SLC25A21: variants seen among roughly 807,000 people sequenced by gnomAD.
The protein encoded by SLC25A21 is mitochondrial 2-oxodicarboxylate carrier.
Under a neutral mutation model 43.8 loss-of-function variants are expected in SLC25A21, and 47 were observed. That is an observed-to-expected ratio of 1.07 (90% CI 0.85 to 1.37). The LOEUF (loss-of-function observed/expected upper bound fraction) is 1.37. Among genes scored for constraint, SLC25A21 ranks in the 40% most tolerant of loss-of-function variants. The pLI, the probability that SLC25A21 is intolerant of heterozygous loss-of-function variation, is 0.00. For synonymous variants in SLC25A21, 131 were observed against 121.3 expected (o/e 1.08, Z -0.52); for missense variants, 352 against 350.2 (o/e 1.00, Z -0.04).
chr14:36,768,325 T>C (rs1433608818), intron 3 of SLC25A21, among the ~76,000 whole-genome samples: 1 of 152,188 alleles, frequency 6.6e-6, no homozygotes, highest in Non-Finnish European at 1.5e-5. Context: ...GAAGCAATTG[T>C]GCCACTTTCT....
At chr14:36,764,099 G>GGAAGGAAGGAAGGAAA (rs1566587743) in intron 3 of SLC25A21, among the ~76,000 whole-genome samples, 1 of 29,212 alleles carries the variant, frequency 3.4e-5, no homozygotes, top group Non-Finnish European at 5.8e-5. Flanking sequence ...AAGGAAGGAA[G>GGAAGGAAGGAAGGAAA]GAAGGAAGGA....
At chr14:37,127,244 G>T (rs1963313201) in intron 1 of SLC25A21, among the ~76,000 whole-genome samples, 1 of 152,040 alleles carries the variant, frequency 6.6e-6, no homozygotes, top group African/African-American at 2.4e-5. Context: ...GAGGCTCAAA[G>T]GGCTTAGGAA....
chr14:37,098,794 T>C (rs1212419333), intron 1 of SLC25A21, among the ~76,000 whole-genome samples: 21 of 111,942 alleles, frequency 1.9e-4, no homozygotes, highest in African/African-American at 7.4e-4. Flanking sequence ...GACAGATAGA[T>C]AGATAGATAG....
chr14:36,930,747 C>T (rs1045401706), intron 1 of SLC25A21, among the ~76,000 whole-genome samples: 35 of 152,094 alleles, frequency 2.3e-4, no homozygotes, highest in Admixed American at 2.0e-4. Context: ...GTTCAAATTC[C>T]TTGGTCTGGC....
In SLC25A21 at chr14:36,679,284, T is replaced by C. The variant is rs550721306; in HGVS notation, c.*1374A>G. ...TTGGAAAGGATGTACAACAGAAGGC[T>C]ATGTATGTATATACAGTATGTCAAA... is the stretch of plus-strand genomic sequence containing the variant. On this transcript the variant is annotated 3_prime_UTR_variant, in exon 10 of 10. Coordinates refer to ENST00000331299, the MANE Select transcript of SLC25A21 (RefSeq NM_030631.4). The C allele has an allele frequency of 5.7e-5, 56 of 978,554 alleles. No individual in the cohort carries two copies. In the African/African-American group the frequency reaches 9.4e-4, roughly 17 times the overall value. The allele number at this position is 978,554 out of a possible 1,614,324, so 60.6% of individuals were successfully genotyped here. A position where few individuals can be genotyped will look rare whatever the true frequency, so the allele number is the denominator to read the frequency against.
chr14:37,084,508 A>G (rs977983936), intron 1 of SLC25A21, among the ~76,000 whole-genome samples: 3 of 152,246 alleles, frequency 2.0e-5, no homozygotes, highest in Non-Finnish European at 4.4e-5. Flanking sequence ...AATGTTAGTG[A>G]TAAAATGTTA....
intron 1 of SLC25A21, among the ~76,000 whole-genome samples, chr14:36,919,097 A>C (rs1162899158): frequency 6.6e-6 from 1 of 151,344 alleles, no homozygotes; most frequent in Non-Finnish European, 1.5e-5. Flanking sequence ...GGATGAATGA[A>C]TGAATGAATG....
Position 36,680,480 on chromosome 14 carries a change from G to A in SLC25A21, c.*178C>T. The A allele has an allele frequency of 1.6e-6, 2 of 1,232,062 alleles. No homozygotes were observed. The highest frequency in any genetic ancestry group is 2.0e-6 in the Non-Finnish European group (2 of 984,338). 76.3% of individuals were successfully genotyped at this position (1,232,062 alleles called of 1,614,324 possible). A position where few individuals can be genotyped will look rare whatever the true frequency, so the allele number is the denominator to read the frequency against. On this transcript the variant is annotated 3_prime_UTR_variant, in exon 10 of 10. Coordinates refer to ENST00000331299, the MANE Select transcript of SLC25A21 (RefSeq NM_030631.4). ...TTCTTCTCACAGTTTTATTTATACAGCCAAAACTATAATCTCAAGTTGCCT... is the reference window on the plus strand; with the variant it reads ...TTCTTCTCACAGTTTTATTTATACAACCAAAACTATAATCTCAAGTTGCCT...
In SLC25A21 at chr14:36,768,984, T is replaced by C. The variant is rs1056900234; in HGVS notation, c.204-34411A>G. On this transcript the variant is annotated intron_variant, in intron 3 of 9. Coordinates refer to ENST00000331299, the MANE Select transcript of SLC25A21 (RefSeq NM_030631.4). ...ATCTATCTATATCTATATCTATATCTGTATCTATATTTACTGTAACAATCA... is the reference window on the plus strand; with the variant it reads ...ATCTATCTATATCTATATCTATATCCGTATCTATATTTACTGTAACAATCA... Among the ~76,000 whole-genome samples the C allele has an allele frequency of 3.9e-5, 6 of 151,978 alleles. No homozygotes were observed. The East Asian group carries it at 1.2e-3, about 29-fold the overall frequency.
intron 1 of SLC25A21, among the ~76,000 whole-genome samples, chr14:37,066,631 G>A (rs1213688550): frequency 6.6e-6 from 1 of 152,048 alleles, no homozygotes; most frequent in Non-Finnish European, 1.5e-5. Context: ...GGACCATGAT[G>A]TATGTAATTT....
chr14:37,161,454 A>G (rs1036975065), intron 1 of SLC25A21, among the ~76,000 whole-genome samples: 2 of 152,216 alleles, frequency 1.3e-5, no homozygotes, highest in Admixed American at 6.5e-5. Flanking sequence ...GAAACACAAT[A>G]TGAGAAAAAT....
Position 36,711,402 on chromosome 14 carries a change from A to C in SLC25A21, c.519T>G (p.Thr173=). Residue 173 remains threonine (T), a synonymous_variant, in exon 7 of 10, where the codon ACT becomes ACG. Transcript: ENST00000331299. ...WGLQGLNKGL[T]ATLGRHGVFN... is the part of the protein sequence containing the mutation. ...AAACTCCATGTCGTCCCAAAGTTGC[A>C]GTTAATCCTTTGTTGAGGCCCTGGA... 2 of 1,614,150 alleles carry C rather than the reference A, an allele frequency of 1.2e-6. No individual in the cohort carries two copies. Among genetic ancestry groups the C allele is most frequent in the Non-Finnish European group, 1.7e-6 (2 of 1,179,988 alleles).
chr14:36,859,573 G>A (rs1890004781), intron 2 of SLC25A21, among the ~76,000 whole-genome samples: 1 of 152,134 alleles, frequency 6.6e-6, no homozygotes, highest in Admixed American at 6.6e-5. Flanking sequence ...ACAGGACTGG[G>A]AGAGGCTCAA....
At chr14:36,862,103 G>C (rs915885635) in intron 2 of SLC25A21, among the ~76,000 whole-genome samples, 3 of 152,140 alleles carry the variant, frequency 2.0e-5, no homozygotes, top group Non-Finnish European at 2.9e-5. Context: ...TGAAAAGTCG[G>C]GAAACAACAC....
Position 36,877,339 on chromosome 14 carries a change from T to C in SLC25A21, c.71-2335A>G, listed in dbSNP as rs566252005. Among the ~76,000 whole-genome samples the C allele has an allele frequency of 6.6e-5, 10 of 152,350 alleles. No individual in the cohort carries two copies. The East Asian group carries it at 1.3e-3, about 21-fold the overall frequency. On this transcript the variant is annotated intron_variant, in intron 1 of 9. Transcript: ENST00000331299. ...CATTTATATAAATCTGTTTACCTAT[T>C]TGCAAAATTGTTTCAGTTTTCTATG...
chr14:37,044,683 T>C (rs756310475), intron 1 of SLC25A21, among the ~76,000 whole-genome samples: 7 of 152,160 alleles, frequency 4.6e-5, no homozygotes, highest in Non-Finnish European at 1.0e-4. Context: ...GATACAGTCA[T>C]GGAACACTAA....
chr14:37,056,265 C>T (rs1266237124), intron 1 of SLC25A21, among the ~76,000 whole-genome samples: 3 of 151,924 alleles, frequency 2.0e-5, no homozygotes, highest in African/African-American at 4.8e-5. Context: ...CCGAGGCGGG[C>T]GGATCATAAG....
intron 1 of SLC25A21, among the ~76,000 whole-genome samples, chr14:36,981,128 C>T (rs887884044): frequency 4.6e-5 from 7 of 151,980 alleles, no homozygotes; most frequent in Middle Eastern, 6.8e-3. Context: ...AAATCAAAAA[C>T]CACAATGAGA....
At chr14:36,785,271 GATTCT>G (rs1383125291) in intron 3 of SLC25A21, among the ~76,000 whole-genome samples, 4 of 152,166 alleles carry the variant, frequency 2.6e-5, no homozygotes, top group Non-Finnish European at 5.9e-5. Context: ...ATAGAATTCT[GATTCT>G]ATTTGGATCT....
Sources: allele counts gnomAD v4.1 joint callset (sites outside exome capture counted in the v4.1 genomes callset), GRCh38; gene constraint gnomAD v4.1.1; transcripts MANE v1.5; gene names NCBI Gene and HGNC (gene_info 2026-07-23, HGNC 2026-07-21).